ZFAND3: variants seen among roughly 807,000 people sequenced by gnomAD.
ZFAND3 encodes the protein zinc finger AN1-type containing 3, also known as AN1-type zinc finger protein 3.
A neutral mutation model predicts 29.6 loss-of-function variants in ZFAND3; 10 were observed. The ratio of observed to expected loss-of-function variants is 0.34; its 90% CI spans 0.21 to 0.57. ZFAND3 has a LOEUF of 0.57. ZFAND3 is among the 20% of genes least tolerant of loss of function. ZFAND3 has a pLI of 0.86. For missense variants in ZFAND3, 230 were observed against 304.5 expected, an observed-to-expected ratio of 0.76 and a Z score of 1.82; for synonymous variants, 128 against 112.6, an observed-to-expected ratio of 1.14 and a Z score of -0.87.
intron 1 of ZFAND3, among the ~76,000 whole-genome samples, chr6:37,919,134 A>G (rs1761324602): frequency 1.3e-5 from 2 of 151,734 alleles, no homozygotes; most frequent in East Asian, 1.9e-4. Flanking sequence ...TTGTATTTTT[A>G]GTAGAGACGG....
At chr6:37,858,722 T>TA (rs536693630) in intron 1 of ZFAND3, among the ~76,000 whole-genome samples, 11 of 152,338 alleles carry the variant, frequency 7.2e-5, no homozygotes, top group Admixed American at 2.0e-4. Context: ...TGAAACCTGT[T>TA]AAACAAGGTG....
At chr6:37,906,745 T>C (rs1260767081) in intron 1 of ZFAND3, among the ~76,000 whole-genome samples, 1 of 151,872 alleles carries the variant, frequency 6.6e-6, no homozygotes, top group Non-Finnish European at 1.5e-5. Context: ...CTAGTGTATC[T>C]TATTGTGGTT....
intron 1 of ZFAND3, among the ~76,000 whole-genome samples, chr6:37,831,078 A>G (rs934413881): frequency 6.6e-6 from 1 of 152,138 alleles, no homozygotes; most frequent in African/African-American, 2.4e-5. Flanking sequence ...GGAATCAAAG[A>G]TCTGGATTGG....
intron 2 of ZFAND3, among the ~76,000 whole-genome samples, chr6:38,044,058 CAGTCAAA>C (rs1763849410): frequency 6.6e-6 from 1 of 152,198 alleles, no homozygotes; most frequent in South Asian, 2.1e-4. Context: ...TCAGGGCCAA[CAGTCAAA>C]AATAACAGCT....
intron 1 of ZFAND3, among the ~76,000 whole-genome samples, chr6:37,874,773 G>A (rs1423546274): frequency 2.6e-5 from 4 of 152,086 alleles, no homozygotes; most frequent in South Asian, 2.1e-4. Flanking sequence ...TGAAGGTCTC[G>A]TTTTGTTGCC....
At chr6:38,060,154 T>C (rs1764206274) in intron 2 of ZFAND3, among the ~76,000 whole-genome samples, 1 of 152,170 alleles carries the variant, frequency 6.6e-6, no homozygotes, top group East Asian at 1.9e-4. Context: ...TAATATACGC[T>C]GGTTCAGTAG....
intron 2 of ZFAND3, among the ~76,000 whole-genome samples, chr6:37,959,764 C>G (rs990333919): frequency 6.6e-6 from 1 of 152,170 alleles, no homozygotes; most frequent in Non-Finnish European, 1.5e-5. Context: ...CTTTCATCTT[C>G]TAGATCCAGA....
intron 2 of ZFAND3, among the ~76,000 whole-genome samples, chr6:38,001,262 T>G (rs1762943669): frequency 6.6e-6 from 1 of 152,208 alleles, no homozygotes; most frequent in South Asian, 2.1e-4. Flanking sequence ...AATAATCCCC[T>G]AGAAACAATG....
intron 2 of ZFAND3, among the ~76,000 whole-genome samples, chr6:37,974,207 C>T (rs1004446067): frequency 6.6e-6 from 1 of 151,986 alleles, no homozygotes; most frequent in Admixed American, 6.6e-5. Flanking sequence ...GGATTGCAGG[C>T]GCCTGCCATG....
intron 3 of ZFAND3, among the ~76,000 whole-genome samples, chr6:38,068,711 T>A (rs934374013): frequency 6.6e-6 from 1 of 152,194 alleles, no homozygotes; most frequent in African/African-American, 2.4e-5. Flanking sequence ...ACTTTTGTTG[T>A]AGTAAAATAA....
chr6:38,047,918 T>C (rs1476581970), intron 2 of ZFAND3, among the ~76,000 whole-genome samples: 1 of 151,950 alleles, frequency 6.6e-6, no homozygotes, highest in African/African-American at 2.4e-5. Flanking sequence ...TGACTGATAA[T>C]AAGAACCGTA....
chr6:38,101,772 C>CAAAA (rs57491627), intron 4 of ZFAND3, among the ~76,000 whole-genome samples: 12 of 42,746 alleles, frequency 2.8e-4, no homozygotes, highest in African/African-American at 6.1e-4. Flanking sequence ...GACTCCCTCT[C>CAAAA]AAAAAAAAAA....
chr6:37,927,581 T>G (rs1761512626), intron 1 of ZFAND3, among the ~76,000 whole-genome samples: 2 of 152,190 alleles, frequency 1.3e-5, no homozygotes. Flanking sequence ...TCAAGTTCAG[T>G]TAGTTAAAAC....
chr6:37,827,130 A>C (rs780401918), intron 1 of ZFAND3, among the ~76,000 whole-genome samples: 2 of 152,278 alleles, frequency 1.3e-5, no homozygotes, highest in Non-Finnish European at 1.5e-5. Flanking sequence ...TTCCGGCCCT[A>C]ACATAGTTTA....
intron 5 of ZFAND3, among the ~76,000 whole-genome samples, chr6:38,131,159 CCGTTT>C (rs1765734423): frequency 6.6e-6 from 1 of 152,038 alleles, no homozygotes; most frequent in Non-Finnish European, 1.5e-5. Flanking sequence ...GTAATCTCTT[CCGTTT>C]CATTTCTTAT....
At position 37,854,774 on chromosome 6, in the gene ZFAND3, CCCT is replaced by C. The variant is rs201905690; in HGVS notation, c.71+34759_71+34761del. ...TACATAGGCTAAAATGCCCCCCCCC[CCCT>C]TTTTTTTTAAGAAGTAGGCTGACCT... On this transcript the variant is annotated intron_variant, in intron 1 of 5. Transcript: ENST00000287218. Among the ~76,000 whole-genome samples the C allele has an allele frequency of 3.1e-3, 432 of 139,340 alleles. 4 individuals carry two copies. Among genetic ancestry groups the C allele is most frequent in the African/African-American group, 0.011 (406 of 38,638 alleles). The allele number at this position is 139,340 out of a possible 152,430, so 91.4% of individuals were successfully genotyped here. A position where few individuals can be genotyped will look rare whatever the true frequency, so the allele number is the denominator to read the frequency against.
intron 1 of ZFAND3, among the ~76,000 whole-genome samples, chr6:37,879,162 T>A (rs2127391220): frequency 6.6e-6 from 1 of 152,354 alleles, no homozygotes; most frequent in South Asian, 2.1e-4. Context: ...TTACAAAGTA[T>A]ACCTTGGAGA....
intron 2 of ZFAND3, among the ~76,000 whole-genome samples, chr6:38,034,634 A>T (rs1379561450): frequency 6.6e-6 from 1 of 152,176 alleles, no homozygotes; most frequent in African/African-American, 2.4e-5. Context: ...TTAATATTTT[A>T]AAAAGGGGAA....
At chr6:38,026,811 G>A (rs1215048624) in intron 2 of ZFAND3, among the ~76,000 whole-genome samples, 2 of 151,324 alleles carry the variant, frequency 1.3e-5, no homozygotes, top group Non-Finnish European at 3.0e-5. Context: ...GAGAGAGAGA[G>A]TGTAATTTAA....
Sources: allele counts gnomAD v4.1 joint callset (sites outside exome capture counted in the v4.1 genomes callset), GRCh38; gene constraint gnomAD v4.1.1; transcripts MANE v1.5; gene names NCBI Gene and HGNC (gene_info 2026-07-23, HGNC 2026-07-21).